Variants in GRM8 observed in about 807,000 individuals in gnomAD.
GRM8 encodes the protein metabotropic glutamate receptor 8.
Under a neutral mutation model 87.2 loss-of-function variants are expected in GRM8, and 47 were observed. The ratio of observed to expected loss-of-function variants is 0.54; its 90% confidence interval spans 0.43 to 0.69. The LOEUF is 0.69. GRM8 is among the 30% of genes least tolerant of loss of function. The probability of loss-of-function intolerance (pLI) is 0.00; values close to 1 mark genes in which losing one functional copy is unlikely to be tolerated. For missense variants in GRM8, 1,019 were observed against 1,139.2 expected (o/e 0.89, Z 1.52); for synonymous variants, 396 against 404.5 (o/e 0.98, Z 0.25).
At chr7:126,935,715 T>A (rs1183665838) in intron 3 of GRM8, among the ~76,000 whole-genome samples, 6 of 152,200 alleles carry the variant, frequency 3.9e-5, no homozygotes, top group Non-Finnish European at 7.4e-5. Context: ...TCAACTGAGA[T>A]GACAAGGAAA....
At chr7:126,886,473 C>T (rs1168450105) in intron 6 of GRM8, among the ~76,000 whole-genome samples, 1 of 152,082 alleles carries the variant, frequency 6.6e-6, no homozygotes, top group Non-Finnish European at 1.5e-5. Context: ...AAAACACTTG[C>T]AATGGCTGCA....
chr7:127,020,549 A>G (rs189161025), intron 3 of GRM8, among the ~76,000 whole-genome samples: 3 of 152,246 alleles, frequency 2.0e-5, no homozygotes, highest in East Asian at 1.9e-4. Context: ...GACAGTAAGA[A>G]CAAAATGTTT....
intron 6 of GRM8, among the ~76,000 whole-genome samples, chr7:126,863,315 T>C (rs1157662854): frequency 1.3e-5 from 2 of 152,154 alleles, no homozygotes; most frequent in African/African-American, 4.8e-5. Flanking sequence ...TCATGGAATT[T>C]TGTGCTTCTT....
At chr7:126,486,417 T>A (rs1438994218) in intron 9 of GRM8, among the ~76,000 whole-genome samples, 1 of 152,046 alleles carries the variant, frequency 6.6e-6, no homozygotes, top group Non-Finnish European at 1.5e-5. Flanking sequence ...ACCTGTTGAA[T>A]ATGTTTACTT....
chr7:126,753,410 A>ATATG (rs1816652055), intron 7 of GRM8, among the ~76,000 whole-genome samples: 1 of 151,726 alleles, frequency 6.6e-6, no homozygotes, highest in Non-Finnish European at 1.5e-5. Context: ...AGATAGATAG[A>ATATG]CACACGTATA....
chr7:127,054,737 G>T (rs952633222), intron 3 of GRM8, among the ~76,000 whole-genome samples: 2 of 152,026 alleles, frequency 1.3e-5, no homozygotes, highest in East Asian at 1.9e-4. Flanking sequence ...TAGAAAACAA[G>T]GTCCTAAAAA....
chr7:127,184,615 T>C (rs1794641938), intron 2 of GRM8, among the ~76,000 whole-genome samples: 1 of 151,896 alleles, frequency 6.6e-6, no homozygotes, highest in Non-Finnish European at 1.5e-5. Context: ...CTAGTTAACA[T>C]CATACTGGAA....
chr7:126,879,349 A>G (rs1234881339), intron 6 of GRM8, among the ~76,000 whole-genome samples: 2 of 152,176 alleles, frequency 1.3e-5, no homozygotes, highest in African/African-American at 2.4e-5. Flanking sequence ...ACTTGCTTAC[A>G]TTAAGCAAAA....
intron 3 of GRM8, among the ~76,000 whole-genome samples, chr7:127,040,844 C>A (rs988210824): frequency 6.6e-6 from 1 of 152,140 alleles, no homozygotes; most frequent in African/African-American, 2.4e-5. Flanking sequence ...AAGCTACGAG[C>A]TGTCTAATAT....
chr7:126,677,876 C>A (rs1585484221), intron 7 of GRM8, among the ~76,000 whole-genome samples: 2 of 152,196 alleles, frequency 1.3e-5, no homozygotes. Flanking sequence ...TAACTGTTCA[C>A]CAAGCTCCCA....
chr7:126,849,638 C>T (rs999337892), intron 6 of GRM8, among the ~76,000 whole-genome samples: 6 of 152,190 alleles, frequency 3.9e-5, no homozygotes, highest in African/African-American at 1.4e-4. Flanking sequence ...TCTCTTCAAA[C>T]CTTGAACCTC....
intron 2 of GRM8, among the ~76,000 whole-genome samples, chr7:127,120,425 A>T (rs1258917946): frequency 6.6e-6 from 1 of 152,176 alleles, no homozygotes; most frequent in Non-Finnish European, 1.5e-5. Context: ...CAATCTTGCT[A>T]CTCAGTGCTA....
chr7:127,148,582 A>AAACAATCTT (rs1828675312), intron 2 of GRM8, among the ~76,000 whole-genome samples: 1 of 152,038 alleles, frequency 6.6e-6, no homozygotes, highest in South Asian at 2.1e-4. Flanking sequence ...TTAGGCCACG[A>AAACAATCTT]AACAATCTTA....
chr7:126,539,397 C>T (rs1816273734), intron 8 of GRM8, among the ~76,000 whole-genome samples: 1 of 151,942 alleles, frequency 6.6e-6, no homozygotes, highest in Non-Finnish European at 1.5e-5. Flanking sequence ...CAACACAATC[C>T]CAGTCAAAAT....
chr7:126,679,593 T>A (rs1807330234), intron 7 of GRM8, among the ~76,000 whole-genome samples: 1 of 152,190 alleles, frequency 6.6e-6, no homozygotes, highest in South Asian at 2.1e-4. Flanking sequence ...GGACCCACAT[T>A]ACTCAGCTGT....
intron 7 of GRM8, among the ~76,000 whole-genome samples, chr7:126,655,869 T>G (rs4731319): frequency 6.6e-6 from 1 of 152,172 alleles, no homozygotes; most frequent in Non-Finnish European, 1.5e-5. Flanking sequence ...GGGAAAGATA[T>G]AGCATTAAAA....
At chr7:127,129,539 C>T (rs1827559229) in intron 2 of GRM8, among the ~76,000 whole-genome samples, 1 of 152,086 alleles carries the variant, frequency 6.6e-6, no homozygotes, top group Admixed American at 6.6e-5. Flanking sequence ...CTAAAAATTT[C>T]ATTTTTCATC....
At chr7:127,059,626 G>A (rs1159783862) in intron 3 of GRM8, among the ~76,000 whole-genome samples, 4 of 152,036 alleles carry the variant, frequency 2.6e-5, no homozygotes, top group East Asian at 1.9e-4. Context: ...ATGAGCCACC[G>A]CGCCCGGCCC....
At chr7:126,842,389 A>G (rs1485828981) in intron 6 of GRM8, among the ~76,000 whole-genome samples, 1 of 152,240 alleles carries the variant, frequency 6.6e-6, no homozygotes, top group Non-Finnish European at 1.5e-5. Flanking sequence ...CCAAAACTAT[A>G]TAGTAAGAAG....
Sources: allele counts gnomAD v4.1 joint callset (sites outside exome capture counted in the v4.1 genomes callset), GRCh38; gene constraint gnomAD v4.1.1; transcripts MANE v1.5; gene names NCBI Gene and HGNC (gene_info 2026-07-23, HGNC 2026-07-21).